Variants in SLC22A23 observed in about 807,000 individuals in gnomAD.
SLC22A23 encodes solute carrier family 22 member 23.
Under a neutral mutation model 61.0 loss-of-function variants are expected in SLC22A23, and 26 were observed. The ratio of observed to expected loss-of-function variants is 0.43; its 90% CI spans 0.31 to 0.59. The LOEUF is 0.59. Among genes scored for constraint, SLC22A23 ranks in the 20% least tolerant of loss-of-function variants. The probability of loss-of-function intolerance (pLI) is 0.11; values close to 1 mark genes in which losing one functional copy is unlikely to be tolerated. For missense variants in SLC22A23, 796 were observed against 934.7 expected, an observed-to-expected ratio of 0.85 and a Z score of 1.94; for synonymous variants, 430 against 413.9, an observed-to-expected ratio of 1.04 and a Z score of -0.47.
rs1342899962 is a variant in SLC22A23, at chr6:3,360,817, C to T, written c.914-36815G>A. Among the ~76,000 whole-genome samples the T allele has an allele frequency of 6.6e-6, 1 of 150,910 alleles. No homozygotes were observed. The highest frequency in any genetic ancestry group is 1.5e-5 in the Non-Finnish European group (1 of 67,998). On this transcript the variant is annotated intron_variant, in intron 3 of 9. Transcript: ENST00000406686. This position sits in a 1 kb window ranked among gnomAD's most constrained non-coding sequence, Gnocchi z 4.6. The stretch of plus-strand genomic sequence containing the variant: ...AGACCTGCGTTCGGCCAGGCAGGCC[C>T]ACAGCTGGCGTGGTCATCCAGGGCG...
At chr6:3,306,845 T>G (rs1762008901) in intron 4 of SLC22A23, among the ~76,000 whole-genome samples, 1 of 152,206 alleles carries the variant, frequency 6.6e-6, no homozygotes, top group South Asian at 2.1e-4. Context: ...GGACGCTGTC[T>G]AGAGCAGAAT....
intron 3 of SLC22A23, among the ~76,000 whole-genome samples, chr6:3,401,584 G>A (rs1232718567): frequency 6.6e-6 from 1 of 152,076 alleles, no homozygotes; most frequent in Non-Finnish European, 1.5e-5. Flanking sequence ...TGACCTACTG[G>A]GCAATCTTTG....
chr6:3,345,252 A>C (rs1470948783), intron 3 of SLC22A23, among the ~76,000 whole-genome samples: 2 of 152,136 alleles, frequency 1.3e-5, no homozygotes, highest in African/African-American at 4.8e-5. Flanking sequence ...CGAAAGATAC[A>C]TGTTGAGTTT....
At chr6:3,361,611 C>A (rs1454945130) in intron 3 of SLC22A23, among the ~76,000 whole-genome samples, 1 of 152,248 alleles carries the variant, frequency 6.6e-6, no homozygotes, top group Non-Finnish European at 1.5e-5. Context: ...AGGGGCTGGG[C>A]CCATGAGTCT....
At position 3,324,259 on chromosome 6, in the gene SLC22A23, CT is replaced by C; in HGVS notation, c.914-258del. 1 of 492,306 alleles carries C rather than the reference CT, an allele frequency of 2.0e-6. No homozygotes were observed. Among genetic ancestry groups the C allele is most frequent in the Non-Finnish European group, 3.6e-6 (1 of 274,190 alleles). The allele number at this position is 492,306 out of a possible 1,614,324, so 30.5% of individuals were successfully genotyped here. A position where few individuals can be genotyped will look rare whatever the true frequency, so the allele number is the denominator to read the frequency against. ...GAAGGGATGCTATAATTCAGAGGAG[CT>C]TAGCTCAGAAACCAGGAAATGGTAC... is the stretch of plus-strand genomic sequence containing the variant. On this transcript the variant is annotated intron_variant, in intron 3 of 9. Coordinates refer to ENST00000406686, the MANE Select transcript of SLC22A23 (RefSeq NM_015482.2). The surrounding 1 kb of genome is among the most constrained non-coding windows in gnomAD (Gnocchi z 4.3).
chr6:3,450,383 C>T (rs567215477), intron 1 of SLC22A23, among the ~76,000 whole-genome samples: 3 of 152,144 alleles, frequency 2.0e-5, no homozygotes, highest in South Asian at 4.2e-4. Context: ...CTCGGCTCAC[C>T]GCAACCTCCG....
chr6:3,342,588 A>G lies in SLC22A23; in HGVS notation c.914-18586T>C, dbSNP rs1338419114. On this transcript the variant is annotated intron_variant, in intron 3 of 9. Transcript: ENST00000406686. The surrounding 1 kb of genome is among the most constrained non-coding windows in gnomAD (Gnocchi z 4.0). ...AGATTCCCAGAAACAGATGCTTTCC[A>G]GATGGAGCCCAGGAAGCCAGTAGAT... is the stretch of plus-strand genomic sequence containing the variant. 6.6e-6 allele frequency among the ~76,000 whole-genome samples: 1 copy of G among 152,178 alleles called. No individual in the cohort carries two copies. The highest frequency in any genetic ancestry group is 1.9e-4 in the East Asian group (1 of 5,192).
chr6:3,345,640 C>T (rs767370259), intron 3 of SLC22A23, among the ~76,000 whole-genome samples: 1 of 152,166 alleles, frequency 6.6e-6, no homozygotes, highest in African/African-American at 2.4e-5. Context: ...GCTGGGATTA[C>T]AGGTGTGAGC....
intron 8 of SLC22A23, 91 bp from the exon 9 acceptor site, chr6:3,284,066 C>T: frequency 7.4e-7 from 1 of 1,346,900 alleles, no homozygotes; most frequent in Admixed American, 2.3e-5. Flanking sequence ...ACAGCTCCTT[C>T]CCAGTGTCCA....
chr6:3,415,727 G>A (rs542633265), intron 2 of SLC22A23, 25 bp downstream of exon 2: 109 of 1,489,898 alleles, frequency 7.3e-5, no homozygotes, highest in African/African-American at 2.1e-4. Flanking sequence ...CCAAAGGTTC[G>A]TGCGGCGGGC....
chr6:3,437,561 C>A (rs62391795), intron 1 of SLC22A23, among the ~76,000 whole-genome samples: 4 of 150,766 alleles, frequency 2.7e-5, no homozygotes, highest in Non-Finnish European at 5.9e-5. Flanking sequence ...TGGTGGCAGG[C>A]GCCTGTAGTC....
intron 3 of SLC22A23, among the ~76,000 whole-genome samples, chr6:3,383,178 C>T (rs1404693715): frequency 1.3e-5 from 2 of 152,182 alleles, no homozygotes; most frequent in Non-Finnish European, 2.9e-5. Context: ...GGCGGCATCT[C>T]AGAAATAATG....
At chr6:3,448,784 G>A (rs575222073) in intron 1 of SLC22A23, among the ~76,000 whole-genome samples, 78 of 152,262 alleles carry the variant, frequency 5.1e-4, no homozygotes, top group African/African-American at 1.7e-3. Flanking sequence ...GTGAGCAACC[G>A]CGCCCAGCCC....
chr6:3,438,504 G>GGTGA, intron 1 of SLC22A23: 1 of 456,562 alleles, frequency 2.2e-6, no homozygotes, highest in Non-Finnish European at 4.4e-6. Context: ...GGCCTCCAGC[G>GGTGA]CTTGGTGTCT....
In SLC22A23 at chr6:3,456,374, C is replaced by T. The variant is rs1253963867; in HGVS notation, c.186G>A (p.Pro62=). The T allele has an allele frequency of 1.3e-6, 2 of 1,541,174 alleles. No homozygotes were observed. Among genetic ancestry groups the T allele is most frequent in the Admixed American group, 2.0e-5 (1 of 50,808 alleles). Residue 62 remains proline (P), a synonymous_variant, in exon 1 of 10, where the codon CCG becomes CCA. Transcript: ENST00000406686. This position sits in a 1 kb window ranked among gnomAD's most constrained non-coding sequence, Gnocchi z 7.1. ...PLPPLHPGGG[P]HPSCCSAAAA... ...CAGCCGCGGAGCAGCAGCTCGGGTGCGGGCCGCCTCCAGGATGCAGTGGGG... is the reference window on the plus strand; with the variant it reads ...CAGCCGCGGAGCAGCAGCTCGGGTGTGGGCCGCCTCCAGGATGCAGTGGGG...
chr6:3,273,159 G>C lies in SLC22A23; in HGVS notation c.1957C>G (p.Leu653Val). 1 of 1,612,260 alleles carries C rather than the reference G, an allele frequency of 6.2e-7. No individual in the cohort carries two copies. Among genetic ancestry groups the C allele is most frequent in the Non-Finnish European group, 8.5e-7 (1 of 1,179,854 alleles). The change falls in exon 10 of 10, where the codon CTC becomes GTC. Residue 653 changes from leucine (L) to valine (V), a missense_variant. Coordinates refer to ENST00000406686, the MANE Select transcript of SLC22A23 (RefSeq NM_015482.2). ...PHKKGEQPLL[L>V]TNAELKDYSG... ...TAGTCCTTGAGCTCGGCGTTGGTGA[G>C]CAGCAGTGGCTGCTCCCCCTTCTTG... is the stretch of plus-strand genomic sequence containing the variant.
At chr6:3,278,515 G>C (rs1048548494) in intron 9 of SLC22A23, among the ~76,000 whole-genome samples, 3 of 152,212 alleles carry the variant, frequency 2.0e-5, no homozygotes, top group Non-Finnish European at 4.4e-5. Context: ...ACTAGTCTCT[G>C]AGCCCTTCAA....
chr6:3,455,013 T>C (rs1772324596), intron 1 of SLC22A23, among the ~76,000 whole-genome samples: 1 of 152,234 alleles, frequency 6.6e-6, no homozygotes, highest in Non-Finnish European at 1.5e-5. Context: ...GGAGCAAAAC[T>C]ACAAATGTCT....
intron 1 of SLC22A23, among the ~76,000 whole-genome samples, chr6:3,416,272 C>T (rs1187471895): frequency 1.3e-5 from 2 of 152,340 alleles, no homozygotes; most frequent in African/African-American, 2.4e-5. Flanking sequence ...GCATGGGCAT[C>T]GTGATGACAT....
Sources: gnomAD v4.1 joint callset for allele counts (sites outside exome capture counted in the v4.1 genomes callset) on GRCh38, gnomAD v4.1.1 for gene constraint, Gnocchi (gnomAD v3.1) non-coding constraint, MANE v1.5 for transcripts, NCBI Gene and HGNC (gene_info 2026-07-23, HGNC 2026-07-21) for gene names.